ODF4: variants seen among roughly 807,000 people sequenced by gnomAD.
ODF4 encodes outer dense fiber protein 4.
In ODF4, 11 loss-of-function variants were observed where a neutral mutation model predicts 17.0. The ratio of observed to expected loss-of-function variants is 0.65; its 90% CI spans 0.41 to 1.07. ODF4 has a LOEUF of 1.07. Among genes scored for constraint, ODF4 ranks in the 50% least tolerant of loss-of-function variants. The probability of loss-of-function intolerance (pLI) is 0.00; values close to 1 mark genes in which losing one functional copy is unlikely to be tolerated. For missense variants in ODF4, 281 were observed against 310.2 expected, an observed-to-expected ratio of 0.91 and a Z score of 0.71; for synonymous variants, 127 against 121.8, an observed-to-expected ratio of 1.04 and a Z score of -0.28.
intron 1 of ODF4, among the ~76,000 whole-genome samples, chr17:8,341,784 T>TG (rs952756978): frequency 2.8e-5 from 2 of 71,006 alleles, no homozygotes; most frequent in African/African-American, 1.6e-4. Flanking sequence ...CTCCTTAGCA[T>TG]GAAAAAAATC....
chr17:8,345,976 C>A lies in ODF4; in HGVS notation c.*124C>A. 1 of 721,616 alleles carries A rather than the reference C, an allele frequency of 1.4e-6. No individual in the cohort carries two copies. Among genetic ancestry groups the A allele is most frequent in the Non-Finnish European group, 2.3e-6 (1 of 432,538 alleles). 44.7% of individuals were successfully genotyped at this position (721,616 alleles called of 1,614,324 possible). A position where few individuals can be genotyped will look rare whatever the true frequency, so the allele number is the denominator to read the frequency against. ...GGAATGAGAAAGGGAGGATTTTGCA[C>A]TCCTCTGCTTTCTCCCTGCCTTGAT... On this transcript the variant is annotated 3_prime_UTR_variant, in exon 3 of 3. Transcript: ENST00000328248. The surrounding 1 kb of genome is among the most constrained non-coding windows in gnomAD (Gnocchi z 4.1).
Position 8,345,310 on chromosome 17 carries a change from T to C in ODF4, c.455-33T>C, listed in dbSNP as rs1906189702. ...AAGAACCTCCTGTGGGACTCTTGTATGACAATGAGACCCTCTGCCTCCTGT... is the reference window on the plus strand; with the variant it reads ...AAGAACCTCCTGTGGGACTCTTGTACGACAATGAGACCCTCTGCCTCCTGT... On this transcript the variant is annotated intron_variant, in intron 1 of 2. Coordinates refer to ENST00000328248, the MANE Select transcript of ODF4 (RefSeq NM_153007.5). This position sits in a 1 kb window ranked among gnomAD's most constrained non-coding sequence, Gnocchi z 4.1. 6.3e-7 allele frequency: 1 copy of C among 1,599,798 alleles called. No individual in the cohort carries two copies. The highest frequency in any genetic ancestry group is 8.5e-7 in the Non-Finnish European group (1 of 1,170,706).
chr17:8,341,249 C>T (rs1021364375), intron 1 of ODF4, among the ~76,000 whole-genome samples: 4 of 151,690 alleles, frequency 2.6e-5, no homozygotes, highest in Non-Finnish European at 4.4e-5. Flanking sequence ...ATTCATTAAT[C>T]GCCTAATTTA....
intron 1 of ODF4, chr17:8,344,784 G>A (rs1269940736): frequency 7.3e-5 from 59 of 810,040 alleles, no homozygotes; most frequent in Non-Finnish European, 8.5e-5. Flanking sequence ...ACCGCGCCTG[G>A]CGGTACATTT....
chr17:8,342,306 G>A (rs1281376904), intron 1 of ODF4, among the ~76,000 whole-genome samples: 4 of 151,856 alleles, frequency 2.6e-5, no homozygotes, highest in East Asian at 1.9e-4. Context: ...ATGCAGTTGC[G>A]GTCTCAGGTC....
chr17:8,345,606 C>T lies in ODF4; in HGVS notation c.590-62C>T. Reference sequence around the variant, plus strand: ...GGTCTTATCTTCCCTTTGGTCTCACCCTACTTGTCACTTAACCTCCCAGTC... The same window carrying T: ...GGTCTTATCTTCCCTTTGGTCTCACTCTACTTGTCACTTAACCTCCCAGTC... On this transcript the variant is annotated intron_variant, in intron 2 of 2. Coordinates refer to ENST00000328248, the MANE Select transcript of ODF4 (RefSeq NM_153007.5). The surrounding 1 kb of genome is among the most constrained non-coding windows in gnomAD (Gnocchi z 4.1). The T allele has an allele frequency of 6.5e-7, 1 of 1,546,112 alleles. No individual in the cohort carries two copies. Among genetic ancestry groups the T allele is most frequent in the Non-Finnish European group, 8.9e-7 (1 of 1,123,516 alleles).
At position 8,345,743 on chromosome 17, in the gene ODF4, G is replaced by A; in HGVS notation, c.665G>A (p.Ser222Asn). Residue 222 changes from serine (S) to asparagine (N), a missense_variant, in exon 3 of 3, where the codon AGC becomes AAC. Coordinates refer to ENST00000328248, the MANE Select transcript of ODF4 (RefSeq NM_153007.5). The surrounding 1 kb of genome is among the most constrained non-coding windows in gnomAD (Gnocchi z 4.1). The part of the protein sequence containing the change: ...LSHPSGAVSC[S>N]SSFGSVEESP... ...CACCCCAGTGGTGCCGTGTCCTGCAGCAGCAGTTTCGGCTCAGTAGAAGAA... is the reference window on the plus strand; with the variant it reads ...CACCCCAGTGGTGCCGTGTCCTGCAACAGCAGTTTCGGCTCAGTAGAAGAA... 1 of 1,614,042 alleles carries A rather than the reference G, an allele frequency of 6.2e-7. No individual in the cohort carries two copies. Among genetic ancestry groups the A allele is most frequent in the Non-Finnish European group, 8.5e-7 (1 of 1,179,922 alleles).
At chr17:8,341,275 C>CCAGTGAGATG (rs2151656455) in intron 1 of ODF4, among the ~76,000 whole-genome samples, 1 of 152,202 alleles carries the variant, frequency 6.6e-6, no homozygotes, top group South Asian at 2.1e-4. Context: ...GACAAGAGCC[C>CCAGTGAGATG]CAGTGAGATG....
chr17:8,341,648 C>A (rs200407038), intron 1 of ODF4, among the ~76,000 whole-genome samples: 1 of 152,036 alleles, frequency 6.6e-6, no homozygotes, highest in East Asian at 1.9e-4. Flanking sequence ...GCCGTGGCCA[C>A]CACACCTGGT....
At chr17:8,343,060 A>G (rs2151657426) in intron 1 of ODF4, among the ~76,000 whole-genome samples, 1 of 151,948 alleles carries the variant, frequency 6.6e-6, no homozygotes, top group South Asian at 2.1e-4. Flanking sequence ...TTAAATGAAC[A>G]CACAATAACA....
chr17:8,344,288 A>G (rs1352990420), intron 1 of ODF4, among the ~76,000 whole-genome samples: 7 of 127,866 alleles, frequency 5.5e-5, no homozygotes, highest in Admixed American at 5.2e-4. Context: ...TATGTTTATC[A>G]GACATTTGTA....
chr17:8,345,754 G>T lies in ODF4; in HGVS notation c.676G>T (p.Gly226Cys). ...SGAVSCSSSFGSVEESPRAQT... is the reference protein window; with the variant it reads ...SGAVSCSSSFCSVEESPRAQT... ...TGCCGTGTCCTGCAGCAGCAGTTTC[G>T]GCTCAGTAGAAGAATCTCCAAGGGC... is the stretch of plus-strand genomic sequence containing the variant. The change falls in exon 3 of 3, where the codon GGC becomes TGC. Residue 226 changes from glycine to cysteine, a missense_variant. Coordinates refer to ENST00000328248, the MANE Select transcript of ODF4 (RefSeq NM_153007.5). The surrounding 1 kb of genome is among the most constrained non-coding windows in gnomAD (Gnocchi z 4.1). 6.2e-7 allele frequency: 1 copy of T among 1,614,030 alleles called. No individual in the cohort carries two copies. Among genetic ancestry groups the T allele is most frequent in the African/African-American group, 1.3e-5 (1 of 74,984 alleles).
In ODF4 at chr17:8,345,602, T is replaced by C. The variant is rs1906212137; in HGVS notation, c.590-66T>C. 1 of 1,538,104 alleles carries C rather than the reference T, an allele frequency of 6.5e-7. No individual in the cohort carries two copies. Among genetic ancestry groups the C allele is most frequent in the Non-Finnish European group, 8.9e-7 (1 of 1,117,680 alleles). The stretch of plus-strand genomic sequence containing the variant: ...TTAGGGTCTTATCTTCCCTTTGGTC[T>C]CACCCTACTTGTCACTTAACCTCCC... On this transcript the variant is annotated intron_variant, in intron 2 of 2. Coordinates refer to ENST00000328248, the MANE Select transcript of ODF4 (RefSeq NM_153007.5). This position sits in a 1 kb window ranked among gnomAD's most constrained non-coding sequence, Gnocchi z 4.1.
At position 8,340,455 on chromosome 17, in the gene ODF4, T is replaced by C; in HGVS notation, c.404T>C (p.Leu135Pro). The C allele has an allele frequency of 6.2e-7, 1 of 1,613,690 alleles. No homozygotes were observed. Among genetic ancestry groups the C allele is most frequent in the Non-Finnish European group, 8.5e-7 (1 of 1,179,932 alleles). Reference sequence around the variant, plus strand: ...TCAGCCCACGTTATGTCCATGGGGCTCCTGCACTTTTACAAATCCAGGAGC... The same window carrying C: ...TCAGCCCACGTTATGTCCATGGGGCCCCTGCACTTTTACAAATCCAGGAGC... ...HTSAHVMSMG[L>P]LHFYKSRSCS... Residue 135 changes from leucine to proline, a missense_variant, in exon 1 of 3, where the codon CTC (leucine) becomes CCC (proline). Coordinates refer to ENST00000328248, the MANE Select transcript of ODF4 (RefSeq NM_153007.5).
In ODF4 at chr17:8,344,750, G is replaced by A. The variant is rs563575380; in HGVS notation, c.455-593G>A. ...GATCCACCTGCCTCGGCCTCCCAAC[G>A]TGCTAGGATTACAGGCGTGAGTCAC... On this transcript the variant is annotated intron_variant, in intron 1 of 2. Transcript: ENST00000328248. 29 of 416,984 alleles carry A rather than the reference G, an allele frequency of 7.0e-5. No individual in the cohort carries two copies. The East Asian group carries it at 9.5e-4, about 14-fold the overall frequency. The allele number at this position is 416,984 out of a possible 1,614,324, so 25.8% of individuals were successfully genotyped here.
chr17:8,345,278 G>A lies in ODF4; in HGVS notation c.455-65G>A. 5 of 1,474,422 alleles carry A rather than the reference G, an allele frequency of 3.4e-6. No individual in the cohort carries two copies. The highest frequency in any genetic ancestry group is 4.7e-6 in the Non-Finnish European group (5 of 1,068,296). The allele number at this position is 1,474,422 out of a possible 1,614,324, so 91.3% of individuals were successfully genotyped here. A position where few individuals can be genotyped will look rare whatever the true frequency, so the allele number is the denominator to read the frequency against. ...TGTGGTTTGTGGCTGTAGCCTAGCA[G>A]ATGAGGAAGAACCTCCTGTGGGACT... is the stretch of plus-strand genomic sequence containing the variant. On this transcript the variant is annotated intron_variant, in intron 1 of 2. Transcript: ENST00000328248. This position sits in a 1 kb window ranked among gnomAD's most constrained non-coding sequence, Gnocchi z 4.1.
chr17:8,343,134 A>ATTT (rs67338704), intron 1 of ODF4, among the ~76,000 whole-genome samples: 2,685 of 141,302 alleles, frequency 0.019, 93 homozygotes, highest in African/African-American at 0.067. Context: ...CTTATTGGAC[A>ATTT]TTTTTTTTTT....
Position 8,345,693 on chromosome 17 carries a change from A to T in ODF4, c.615A>T (p.Lys205Asn). 1 of 1,613,996 alleles carries T rather than the reference A, an allele frequency of 6.2e-7. No homozygotes were observed. Among genetic ancestry groups the T allele is most frequent in the South Asian group, 1.1e-5 (1 of 91,068 alleles). The change falls in exon 3 of 3, where the codon AAA becomes AAT. Residue 205 changes from lysine (K) to asparagine (N), a missense_variant. Coordinates refer to ENST00000328248, the MANE Select transcript of ODF4 (RefSeq NM_153007.5). The surrounding 1 kb of genome is among the most constrained non-coding windows in gnomAD (Gnocchi z 4.1). ...TCAILCYFNH[K>N]SFWSLILSHP... ...CGATCCTTTGCTACTTCAACCATAA[A>T]AGTTTCTGGAGTCTGATTCTGAGCC...
Position 8,344,611 on chromosome 17 carries a change from C to A in ODF4, c.455-732C>A. ...TCAAGCGATTCTCCTGCCTCAGCCT[C>A]CGGAGTAGCTGAGACTACAGGCATG... On this transcript the variant is annotated intron_variant, in intron 1 of 2. Coordinates refer to ENST00000328248, the MANE Select transcript of ODF4 (RefSeq NM_153007.5). 1.6e-5 allele frequency among the ~76,000 whole-genome samples: 2 copies of A among 126,578 alleles called. 1 individual carries two copies. The allele number at this position is 126,578 out of a possible 152,430, so 83.0% of individuals were successfully genotyped here.
Sources: gnomAD v4.1 joint callset for allele counts (sites outside exome capture counted in the v4.1 genomes callset) on GRCh38, gnomAD v4.1.1 for gene constraint, Gnocchi (gnomAD v3.1) non-coding constraint, MANE v1.5 for transcripts, NCBI Gene and HGNC (gene_info 2026-07-23, HGNC 2026-07-21) for gene names.